The following HS6ST1 variants were observed in gnomAD, a reference collection of about 807,000 sequenced individuals.
The protein encoded by HS6ST1 is heparan-sulfate 6-O-sulfotransferase 1.
Under a neutral mutation model 25.2 loss-of-function variants are expected in HS6ST1, and 3 were observed. The ratio of observed to expected loss-of-function variants is 0.12; its 90% CI spans 0.05 to 0.31. The LOEUF is 0.31. Among genes scored for constraint, HS6ST1 ranks in the 10% least tolerant of loss-of-function variants. The probability of loss-of-function intolerance (pLI) is 1.00; values close to 1 mark genes in which losing one functional copy is unlikely to be tolerated. For missense variants in HS6ST1, 310 were observed against 609.6 expected, an observed-to-expected ratio of 0.51 and a Z score of 5.18; for synonymous variants, 204 against 275.1, an observed-to-expected ratio of 0.74 and a Z score of 2.56.
chr2:128,316,189 C>T (rs921187334), intron 1 of HS6ST1, among the ~76,000 whole-genome samples: 37 of 152,262 alleles, frequency 2.4e-4, no homozygotes, highest in African/African-American at 8.9e-4. Context: ...GAGGCCAAGG[C>T]TCTTCACCCT....
chr2:128,309,221 G>C (rs1346525959), intron 1 of HS6ST1, among the ~76,000 whole-genome samples: 3 of 152,228 alleles, frequency 2.0e-5, no homozygotes, highest in African/African-American at 7.2e-5. Flanking sequence ...TTCTGTCCTA[G>C]TTTGCTGTGG....
chr2:128,318,866 T>C lies in HS6ST1; in HGVS notation c.-303A>G, dbSNP rs1473554836. ...CCGCTCCACTCCGCGCCGAGAACGC[T>C]CTGCGCCGCCCCGCGCGCCGCCGCG... is the stretch of plus-strand genomic sequence containing the variant. On this transcript the variant is annotated 5_prime_UTR_variant, in exon 1 of 2. Transcript: ENST00000259241. The surrounding 1 kb of genome is among the most constrained non-coding windows in gnomAD (Gnocchi z 5.7). 6.9e-6 allele frequency among the ~76,000 whole-genome samples: 1 copy of C among 145,568 alleles called. No individual in the cohort carries two copies. Among genetic ancestry groups the C allele is most frequent in the Non-Finnish European group, 1.5e-5 (1 of 65,878 alleles).
At chr2:128,307,903 G>A (rs764072042) in intron 1 of HS6ST1, among the ~76,000 whole-genome samples, 7 of 152,152 alleles carry the variant, frequency 4.6e-5, no homozygotes, top group Non-Finnish European at 5.9e-5. Context: ...ATTGCTCCCC[G>A]CAGCTGCATT....
chr2:128,272,875 C>A (rs1345587908), intron 1 of HS6ST1, among the ~76,000 whole-genome samples: 2 of 152,174 alleles, frequency 1.3e-5, no homozygotes, highest in East Asian at 3.9e-4. Flanking sequence ...TCCTTTACTG[C>A]CCCAGGCCTG....
rs184487568 is a variant in HS6ST1 at position 128,288,868 on chromosome 2, G to A, written c.528-19998C>T. ...AGAGCTCATCTGAGGATCACTGGGG[G>A]TGTCCCTGGGACCCCTCCAGGCTCC... On this transcript the variant is annotated intron_variant, in intron 1 of 1. Transcript: ENST00000259241. Among the ~76,000 whole-genome samples the A allele has an allele frequency of 1.6e-4, 25 of 151,898 alleles. No homozygotes were observed. The East Asian group carries it at 4.7e-3, about 29-fold the overall frequency.
At chr2:128,277,645 G>A (rs938327591) in intron 1 of HS6ST1, among the ~76,000 whole-genome samples, 1 of 152,236 alleles carries the variant, frequency 6.6e-6, no homozygotes, top group African/African-American at 2.4e-5. Flanking sequence ...GGAGGGTGAG[G>A]ACATGGCCAG....
At chr2:128,314,832 G>C (rs575660671) in intron 1 of HS6ST1, among the ~76,000 whole-genome samples, 29 of 152,346 alleles carry the variant, frequency 1.9e-4, no homozygotes, top group Non-Finnish European at 3.5e-4. Context: ...GATGCCCTCC[G>C]TGGCCCCAAA....
At chr2:128,309,482 G>A (rs966815596) in intron 1 of HS6ST1, among the ~76,000 whole-genome samples, 5 of 152,226 alleles carry the variant, frequency 3.3e-5, no homozygotes, top group Admixed American at 6.5e-5. Context: ...GCCTGCCCCA[G>A]CAGGAGGCCC....
intron 1 of HS6ST1, among the ~76,000 whole-genome samples, chr2:128,316,531 A>T (rs1694365307): frequency 6.6e-6 from 1 of 152,086 alleles, no homozygotes; most frequent in Non-Finnish European, 1.5e-5. Context: ...GACCAGGGTT[A>T]GGGGGGCCCT....
intron 1 of HS6ST1, among the ~76,000 whole-genome samples, chr2:128,310,488 G>A (rs532282071): frequency 1.3e-5 from 2 of 152,324 alleles, no homozygotes; most frequent in South Asian, 2.1e-4. Flanking sequence ...AATCCTTAGC[G>A]CAGCTCCCAG....
intron 1 of HS6ST1, among the ~76,000 whole-genome samples, chr2:128,294,512 A>G (rs993337291): frequency 3.3e-5 from 5 of 152,146 alleles, no homozygotes; most frequent in Admixed American, 2.0e-4. Flanking sequence ...AGATGACACC[A>G]GTTTCAATAG....
At chr2:128,279,898 G>A (rs1558870765) in intron 1 of HS6ST1, among the ~76,000 whole-genome samples, 2 of 152,182 alleles carry the variant, frequency 1.3e-5, no homozygotes, top group African/African-American at 2.4e-5. Flanking sequence ...CACACTCAGC[G>A]ACAGCACCTG....
intron 1 of HS6ST1, among the ~76,000 whole-genome samples, chr2:128,312,426 G>T (rs527949718): frequency 6.6e-6 from 1 of 152,348 alleles, no homozygotes; most frequent in South Asian, 2.1e-4. Context: ...TAAGTGTGCA[G>T]GGGACAAGAG....
At chr2:128,281,798 G>A (rs1020307232) in intron 1 of HS6ST1, among the ~76,000 whole-genome samples, 7 of 152,386 alleles carry the variant, frequency 4.6e-5, no homozygotes, top group African/African-American at 1.4e-4. Flanking sequence ...CCTGGCAGCA[G>A]CCTGGGCTCA....
At chr2:128,297,345 C>T (rs1417696549) in intron 1 of HS6ST1, among the ~76,000 whole-genome samples, 1 of 152,054 alleles carries the variant, frequency 6.6e-6, no homozygotes, top group Non-Finnish European at 1.5e-5. Flanking sequence ...GAAATTGGAC[C>T]CTTATCTAAC....
At chr2:128,306,434 C>A (rs1694211290) in intron 1 of HS6ST1, among the ~76,000 whole-genome samples, 1 of 152,212 alleles carries the variant, frequency 6.6e-6, no homozygotes. Context: ...ATGACGCAAA[C>A]AGAAAACCTC....
intron 1 of HS6ST1, among the ~76,000 whole-genome samples, chr2:128,280,076 C>T (rs949123765): frequency 3.3e-5 from 5 of 152,192 alleles, no homozygotes; most frequent in African/African-American, 1.2e-4. Context: ...GAGCTCACGG[C>T]ATAACACACC....
At chr2:128,299,312 G>A in intron 1 of HS6ST1, among the ~76,000 whole-genome samples, 1 of 152,232 alleles carries the variant, frequency 6.6e-6, no homozygotes, top group South Asian at 2.1e-4. Context: ...TGCACCCTTG[G>A]ACACAGGCCC....
intron 1 of HS6ST1, among the ~76,000 whole-genome samples, chr2:128,315,638 TAG>T (rs1432004870): frequency 1.3e-5 from 2 of 152,090 alleles, no homozygotes; most frequent in Non-Finnish European, 2.9e-5. Flanking sequence ...CTGCCCCTGA[TAG>T]AGAGTTGCTG....
Sources: gnomAD v4.1 joint callset for allele counts (sites outside exome capture counted in the v4.1 genomes callset) on GRCh38, gnomAD v4.1.1 for gene constraint, Gnocchi (gnomAD v3.1) non-coding constraint, MANE v1.5 for transcripts, NCBI Gene and HGNC (gene_info 2026-07-23, HGNC 2026-07-21) for gene names.